RCL1: variants seen among roughly 807,000 people sequenced by gnomAD.
RCL1 encodes the protein RNA terminal phosphate cyclase like 1, also known as RNA 3'-terminal phosphate cyclase-like protein.
A neutral mutation model predicts 42.4 loss-of-function variants in RCL1; 24 were observed. That is an observed-to-expected ratio of 0.57 (90% CI 0.41 to 0.80). The LOEUF (loss-of-function observed/expected upper bound fraction) is 0.80, where lower values mean the gene tolerates loss of function less well. Ranked by LOEUF, RCL1 falls within the 30% of genes least tolerant of loss-of-function variation. RCL1 has a pLI of 0.00. For synonymous variants in RCL1, 228 were observed against 177.3 expected (o/e 1.29, Z -2.27); for missense variants, 578 against 467.9 (o/e 1.24, Z -2.17).
At position 4,849,466 on chromosome 9, in the gene RCL1, C is replaced by T. The variant is rs1817640309; in HGVS notation, c.887C>T (p.Thr296Ile). 1.2e-6 allele frequency: 2 copies of T among 1,613,972 alleles called. No individual in the cohort carries two copies. The highest frequency in any genetic ancestry group is 2.2e-5 in the East Asian group (1 of 44,892). Residue 296 changes from threonine to isoleucine, a missense_variant, in exon 8 of 9, where the codon ACC becomes ATC. Thr to Ile is a moderately conservative substitution (Grantham distance 89). Coordinates refer to ENST00000381750, the MANE Select transcript of RCL1 (RefSeq NM_005772.5). ...EIYRGGCVDS[T>I]NQSLALLLMT... The stretch of plus-strand genomic sequence containing the variant: ...TTACAGGGTGGATGCGTAGACTCGA[C>T]CAACCAAAGCCTGGCGCTACTACTC...
intron 5 of RCL1, among the ~76,000 whole-genome samples, chr9:4,836,355 G>T (rs1285920180): frequency 1.3e-5 from 2 of 152,160 alleles, no homozygotes; most frequent in African/African-American, 4.8e-5. Flanking sequence ...CCTCACTGAG[G>T]ATTGTCACAG....
chr9:4,850,295 G>C (rs1817689104), intron 8 of RCL1: 2 of 533,958 alleles, frequency 3.7e-6, no homozygotes, highest in Non-Finnish European at 7.7e-6. Context: ...ATATGAGACT[G>C]AACTGTCCTT....
intron 1 of RCL1, among the ~76,000 whole-genome samples, chr9:4,796,072 T>C (rs1842908910): frequency 6.6e-6 from 1 of 152,192 alleles, no homozygotes; most frequent in African/African-American, 2.4e-5. Flanking sequence ...GTTTGCAAAA[T>C]AAACAGTTCT....
intron 1 of RCL1, among the ~76,000 whole-genome samples, chr9:4,812,697 G>A (rs547414883): frequency 6.6e-6 from 1 of 152,044 alleles, no homozygotes; most frequent in African/African-American, 2.4e-5. Context: ...TATTTTGATA[G>A]GGATTGCATT....
chr9:4,840,628 GTAAT>G (rs1426014298), intron 5 of RCL1, among the ~76,000 whole-genome samples: 2 of 152,186 alleles, frequency 1.3e-5, no homozygotes, highest in African/African-American at 4.8e-5. Context: ...CACAAGTGGA[GTAAT>G]TAATTCTTAA....
intron 1 of RCL1, among the ~76,000 whole-genome samples, chr9:4,795,632 C>T (rs1264473391): frequency 6.6e-6 from 1 of 152,194 alleles, no homozygotes; most frequent in Admixed American, 6.5e-5. Context: ...AACTCAGATT[C>T]TCAGAGTTGG....
At chr9:4,845,264 A>G (rs375452878) in intron 7 of RCL1, among the ~76,000 whole-genome samples, 36 of 152,380 alleles carry the variant, frequency 2.4e-4, no homozygotes, top group African/African-American at 8.2e-4. Context: ...GTGGCACAGC[A>G]TAGCAGAAGC....
chr9:4,813,476 A>G (rs1245668030), intron 1 of RCL1, among the ~76,000 whole-genome samples: 1 of 152,250 alleles, frequency 6.6e-6, no homozygotes, highest in Non-Finnish European at 1.5e-5. Context: ...TGCAAATCAA[A>G]ACCACAGTGA....
intron 7 of RCL1, among the ~76,000 whole-genome samples, chr9:4,847,466 A>C (rs1234305461): frequency 2.0e-5 from 3 of 152,056 alleles, no homozygotes; most frequent in Admixed American, 6.6e-5. Context: ...TCGGTTACCA[A>C]GCCTTCTTGA....
intron 1 of RCL1, among the ~76,000 whole-genome samples, chr9:4,803,047 T>C (rs1843032533): frequency 6.6e-6 from 1 of 151,790 alleles, no homozygotes; most frequent in African/African-American, 2.4e-5. Flanking sequence ...GGGTTCACTG[T>C]TTTGTCCAGG....
chr9:4,853,749 T>G (rs1402410625), intron 8 of RCL1, among the ~76,000 whole-genome samples: 1 of 152,188 alleles, frequency 6.6e-6, no homozygotes, highest in Non-Finnish European at 1.5e-5. Flanking sequence ...TGCTGTAAAA[T>G]GATCTCTTTC....
chr9:4,837,816 T>A (rs1048660862), intron 5 of RCL1, among the ~76,000 whole-genome samples: 3 of 152,190 alleles, frequency 2.0e-5, no homozygotes, highest in African/African-American at 7.2e-5. Flanking sequence ...GGAAGAGACT[T>A]GTGAGGTCCC....
intron 3 of RCL1, among the ~76,000 whole-genome samples, chr9:4,829,345 A>T (rs1234685646): frequency 6.6e-6 from 1 of 152,196 alleles, no homozygotes; most frequent in Non-Finnish European, 1.5e-5. Context: ...TTGGAGGCGG[A>T]GTGAGAGGAA....
intron 8 of RCL1, among the ~76,000 whole-genome samples, chr9:4,859,752 C>T: frequency 6.6e-6 from 1 of 152,054 alleles, no homozygotes; most frequent in Non-Finnish European, 1.5e-5. Flanking sequence ...TTGCTTGAGC[C>T]CAGGAGCTTG....
chr9:4,824,948 G>A (rs1195225308), intron 2 of RCL1, among the ~76,000 whole-genome samples: 1 of 152,116 alleles, frequency 6.6e-6, no homozygotes, highest in East Asian at 1.9e-4. Flanking sequence ...GTCTTGTTCC[G>A]TCAACTAGGC....
At chr9:4,828,206 C>G (rs551033454) in intron 3 of RCL1, among the ~76,000 whole-genome samples, 37 of 148,960 alleles carry the variant, frequency 2.5e-4, no homozygotes, top group Admixed American at 1.1e-3. Context: ...GGCCATGATG[C>G]AAAGTACTGA....
intron 8 of RCL1, among the ~76,000 whole-genome samples, chr9:4,853,483 G>A (rs1222476084): frequency 2.6e-5 from 4 of 152,046 alleles, no homozygotes; most frequent in Admixed American, 6.6e-5. Flanking sequence ...CACCATGCCC[G>A]GCTAATTTTT....
intron 1 of RCL1, among the ~76,000 whole-genome samples, chr9:4,817,655 C>T (rs1349896714): frequency 6.6e-6 from 1 of 151,660 alleles, no homozygotes; most frequent in Non-Finnish European, 1.5e-5. Flanking sequence ...CGCCACCATG[C>T]CTGGCTAATT....
chr9:4,852,769 CTT>C (rs34189601), intron 8 of RCL1, among the ~76,000 whole-genome samples: 2 of 143,612 alleles, frequency 1.4e-5, no homozygotes, highest in African/African-American at 2.6e-5. Context: ...GGTCAGGTCA[CTT>C]TTTTTTTTTT....
Sources: gnomAD v4.1 joint callset for allele counts (sites outside exome capture counted in the v4.1 genomes callset) on GRCh38, gnomAD v4.1.1 for gene constraint, MANE v1.5 for transcripts, NCBI Gene and HGNC (gene_info 2026-07-23, HGNC 2026-07-21) for gene names.